The following CSTPP1 variants were observed in gnomAD, a reference collection of about 807,000 sequenced individuals.
The protein encoded by CSTPP1 is centriolar satellite-associated tubulin polyglutamylase complex regulator 1.
the CSTPP1 span, among the ~76,000 whole-genome samples, chr11:46,969,869 A>C: frequency 6.6e-6 from 1 of 152,114 alleles, no homozygotes; most frequent in Admixed American, 6.5e-5. Context: ...GGTTCAAGCG[A>C]TTCTCATGCC....
At chr11:47,157,104 C>T in the CSTPP1 span, 120 of 1,614,168 alleles carry the variant, frequency 7.4e-5, no homozygotes, top group Non-Finnish European at 3.6e-5. Flanking sequence ...CCGACGTCGT[C>T]CAGTGGGCAG....
the CSTPP1 span, among the ~76,000 whole-genome samples, chr11:46,947,142 T>G: frequency 6.6e-6 from 1 of 152,222 alleles, no homozygotes; most frequent in African/African-American, 2.4e-5. Flanking sequence ...TAAAATTTAA[T>G]CCATTTTGTA....
At chr11:47,052,153 C>T in the CSTPP1 span, 2 of 379,342 alleles carry the variant, frequency 5.3e-6, no homozygotes, top group East Asian at 1.0e-4. Context: ...TCTGTGTGTA[C>T]CTGTGGAAGG....
chr11:46,965,514 C>T, the CSTPP1 span, among the ~76,000 whole-genome samples: 2 of 152,042 alleles, frequency 1.3e-5, no homozygotes, highest in Non-Finnish European at 2.9e-5. Flanking sequence ...CATGAGCCAC[C>T]GTGCCTGGCC....
the CSTPP1 span, among the ~76,000 whole-genome samples, chr11:47,043,227 A>C: frequency 3.3e-5 from 5 of 152,142 alleles, no homozygotes; most frequent in Non-Finnish European, 7.4e-5. Context: ...TATGACTGCT[A>C]CCTGAGAAAT....
At chr11:46,956,161 G>T in the CSTPP1 span, among the ~76,000 whole-genome samples, 1 of 152,098 alleles carries the variant, frequency 6.6e-6, no homozygotes, top group South Asian at 2.1e-4. Context: ...GTTTTCTTTT[G>T]GGGGTGAACA....
At chr11:47,050,044 A>C in the CSTPP1 span, among the ~76,000 whole-genome samples, 3 of 152,226 alleles carry the variant, frequency 2.0e-5, no homozygotes, top group Non-Finnish European at 4.4e-5. Context: ...AGCAGAATCT[A>C]GCCATATGCT....
the CSTPP1 span, among the ~76,000 whole-genome samples, chr11:47,079,724 T>C: frequency 2.6e-5 from 4 of 152,346 alleles, no homozygotes; most frequent in Admixed American, 2.6e-4. Context: ...AAAAGACTTT[T>C]CTCATATATA....
the CSTPP1 span, among the ~76,000 whole-genome samples, chr11:47,009,471 T>G: frequency 1.3e-5 from 2 of 152,070 alleles, no homozygotes. Flanking sequence ...TAGGGCCAGT[T>G]TGTGGAAGGC....
the CSTPP1 span, among the ~76,000 whole-genome samples, chr11:47,039,027 G>C: frequency 1.2e-4 from 15 of 121,524 alleles, 2 homozygotes; most frequent in East Asian, 3.3e-3. Flanking sequence ...ATGGGATGGC[G>C]GCCGGGCAGA....
the CSTPP1 span, among the ~76,000 whole-genome samples, chr11:47,095,913 A>G: frequency 6.6e-6 from 1 of 152,204 alleles, no homozygotes; most frequent in Non-Finnish European, 1.5e-5. Context: ...ACAGAGGCCA[A>G]GCTGTTTTCA....
the CSTPP1 span, among the ~76,000 whole-genome samples, chr11:47,086,660 G>T: frequency 1.6e-4 from 25 of 152,130 alleles, no homozygotes; most frequent in African/African-American, 4.8e-4. Context: ...TTAGTAAAAT[G>T]ATGTTAGGCA....
chr11:46,965,974 T>A, the CSTPP1 span, among the ~76,000 whole-genome samples: 2 of 152,320 alleles, frequency 1.3e-5, no homozygotes, highest in African/African-American at 4.8e-5. Flanking sequence ...CTTCCAAATG[T>A]GTATTTCATG....
the CSTPP1 span, among the ~76,000 whole-genome samples, chr11:47,043,282 A>G: frequency 1.3e-5 from 2 of 152,148 alleles, no homozygotes; most frequent in Non-Finnish European, 1.5e-5. Context: ...GGTGGTGCAC[A>G]CCTGTAGCCC....
the CSTPP1 span, among the ~76,000 whole-genome samples, chr11:47,110,959 G>A: frequency 3.4e-5 from 5 of 149,106 alleles, no homozygotes; most frequent in East Asian, 2.0e-4. Context: ...GCGCAATCAC[G>A]GCTCACTGCA....
the CSTPP1 span, among the ~76,000 whole-genome samples, chr11:46,996,895 T>C: frequency 6.6e-6 from 1 of 152,226 alleles, no homozygotes; most frequent in Non-Finnish European, 1.5e-5. Context: ...CACTCTCTTC[T>C]GGCTTGTAGA....
chr11:47,126,768 C>A, the CSTPP1 span, among the ~76,000 whole-genome samples: 1 of 151,690 alleles, frequency 6.6e-6, no homozygotes, highest in Non-Finnish European at 1.5e-5. Context: ...CTTGTCTCTA[C>A]AAAATATACA....
the CSTPP1 span, among the ~76,000 whole-genome samples, chr11:47,138,994 A>C: frequency 2.0e-5 from 3 of 149,216 alleles, 1 homozygote; most frequent in African/African-American, 7.4e-5. Context: ...AAAAAAAAAA[A>C]AAAAAAAAAA....
At chr11:47,019,972 GC>G in the CSTPP1 span, among the ~76,000 whole-genome samples, 1 of 152,112 alleles carries the variant, frequency 6.6e-6, no homozygotes, top group African/African-American at 2.4e-5. Flanking sequence ...GAATACATAG[GC>G]TATATATATT....
Sources: gnomAD v4.1 joint callset for allele counts (sites outside exome capture counted in the v4.1 genomes callset) on GRCh38, gnomAD v4.1.1 for gene constraint, MANE v1.5 for transcripts, NCBI Gene and HGNC (gene_info 2026-07-23, HGNC 2026-07-21) for gene names.